Variants in TRABD2B observed in about 807,000 individuals in gnomAD.
TRABD2B encodes metalloprotease TIKI2.
In TRABD2B, 14 loss-of-function variants were observed where a neutral mutation model predicts 40.1. That is an observed-to-expected ratio of 0.35 (90% CI 0.23 to 0.55). The LOEUF is 0.55. TRABD2B is among the 20% of genes least tolerant of loss of function. The probability of loss-of-function intolerance (pLI) is 0.90; values close to 1 mark genes in which losing one functional copy is unlikely to be tolerated. For missense variants in TRABD2B, 541 were observed against 648.6 expected (o/e 0.83, Z 1.80); for synonymous variants, 263 against 277.0 (o/e 0.95, Z 0.50).
In TRABD2B at chr1:47,817,151, A is replaced by G. The variant is rs544077197; in HGVS notation, c.667-15532T>C. On this transcript the variant is annotated intron_variant, in intron 2 of 6. Transcript: ENST00000606738. Reference sequence around the variant, plus strand: ...GGCTGGTGTGCCAGCTGTTAGAGAGATATCCTTGAGCAGCCTTTCCTAGAG... The same window carrying G: ...GGCTGGTGTGCCAGCTGTTAGAGAGGTATCCTTGAGCAGCCTTTCCTAGAG... 3.6e-4 allele frequency among the ~76,000 whole-genome samples: 54 copies of G among 152,078 alleles called. No individual in the cohort carries two copies. In the South Asian group the frequency reaches 5.4e-3, roughly 15 times the overall value.
intron 2 of TRABD2B, among the ~76,000 whole-genome samples, chr1:47,892,155 A>G (rs1644456600): frequency 6.6e-6 from 1 of 152,246 alleles, no homozygotes; most frequent in South Asian, 2.1e-4. Flanking sequence ...GGCTGAGGCC[A>G]TGGTGCTGAA....
chr1:47,845,207 T>C (rs1009168978), intron 2 of TRABD2B, among the ~76,000 whole-genome samples: 1 of 152,172 alleles, frequency 6.6e-6, no homozygotes, highest in Non-Finnish European at 1.5e-5. Context: ...TGCCACGTTA[T>C]GGAAAGAGCA....
intron 2 of TRABD2B, among the ~76,000 whole-genome samples, chr1:47,966,018 T>C (rs961488478): frequency 6.6e-6 from 1 of 152,218 alleles, no homozygotes; most frequent in African/African-American, 2.4e-5. Context: ...CACAGCCATA[T>C]GAAGCCATAC....
chr1:47,814,008 G>C (rs947169067), intron 2 of TRABD2B, among the ~76,000 whole-genome samples: 2 of 152,238 alleles, frequency 1.3e-5, no homozygotes, highest in African/African-American at 4.8e-5. Flanking sequence ...AAGGTGCTGT[G>C]AGAGTCCAGC....
chr1:47,774,126 C>T (rs969076595), intron 6 of TRABD2B, among the ~76,000 whole-genome samples: 3 of 152,062 alleles, frequency 2.0e-5, no homozygotes, highest in Admixed American at 2.0e-4. Flanking sequence ...ATACAGAGTC[C>T]CAGGCCCTTG....
Position 47,996,703 on chromosome 1 carries a change from G to A in TRABD2B, c.87C>T (p.Cys29=). Residue 29 remains cysteine (C), a synonymous_variant, in exon 1 of 7, where the codon TGC becomes TGT. Transcript: ENST00000606738. This position sits in a 1 kb window ranked among gnomAD's most constrained non-coding sequence, Gnocchi z 4.6. The stretch of plus-strand genomic sequence containing the variant: ...GCTCGCTCACCGATCCGGGCGGCCG[G>A]CACTGTCCTCCGTCCGGGGGCTGCG... ...ARPQPPDGGQ[C]RPPGSQRDLN... 8.1e-7 allele frequency: 1 copy of A among 1,229,202 alleles called. No individual in the cohort carries two copies. The highest frequency in any genetic ancestry group is 4.3e-5 in the Admixed American group (1 of 23,512). 76.1% of individuals were successfully genotyped at this position (1,229,202 alleles called of 1,614,324 possible). A position where few individuals can be genotyped will look rare whatever the true frequency, so the allele number is the denominator to read the frequency against.
At chr1:47,842,085 T>C (rs1645405908) in intron 2 of TRABD2B, among the ~76,000 whole-genome samples, 1 of 152,198 alleles carries the variant, frequency 6.6e-6, no homozygotes. Context: ...ACCAACCTTC[T>C]CCTTTGCCTT....
chr1:47,924,373 T>C (rs1471940784), intron 2 of TRABD2B, among the ~76,000 whole-genome samples: 1 of 152,184 alleles, frequency 6.6e-6, no homozygotes, highest in African/African-American at 2.4e-5. Context: ...AACTTAGGGC[T>C]GAAAAGCTCT....
chr1:47,974,915 C>T (rs1645733613), intron 2 of TRABD2B, among the ~76,000 whole-genome samples: 1 of 152,156 alleles, frequency 6.6e-6, no homozygotes, highest in Non-Finnish European at 1.5e-5. Flanking sequence ...GCCTTCCTCC[C>T]CAAAACACAC....
At chr1:47,949,299 A>C (rs550695971) in intron 2 of TRABD2B, among the ~76,000 whole-genome samples, 1 of 152,062 alleles carries the variant, frequency 6.6e-6, no homozygotes, top group African/African-American at 2.4e-5. Flanking sequence ...AAAGTCTCAA[A>C]GTTCTGTTTG....
chr1:47,869,895 G>A (rs1644116591), intron 2 of TRABD2B, among the ~76,000 whole-genome samples: 2 of 152,134 alleles, frequency 1.3e-5, no homozygotes, highest in African/African-American at 4.8e-5. Flanking sequence ...AGGGGTATGA[G>A]GGTGGTGGAG....
chr1:47,898,821 T>C (rs2124673847), intron 2 of TRABD2B, among the ~76,000 whole-genome samples: 1 of 152,314 alleles, frequency 6.6e-6, no homozygotes, highest in African/African-American at 2.4e-5. Flanking sequence ...ATCCAAAAAA[T>C]TCTGAATTCT....
intron 2 of TRABD2B, among the ~76,000 whole-genome samples, chr1:47,949,931 C>T (rs766706370): frequency 2.6e-5 from 4 of 152,116 alleles, no homozygotes; most frequent in Non-Finnish European, 5.9e-5. Flanking sequence ...AGAGACAAAA[C>T]TATAAGAAGG....
intron 2 of TRABD2B, among the ~76,000 whole-genome samples, chr1:47,854,624 G>C (rs1333431207): frequency 1.3e-5 from 2 of 152,130 alleles, no homozygotes; most frequent in Non-Finnish European, 2.9e-5. Flanking sequence ...CACTAACGAA[G>C]TGCTTTAGAC....
chr1:47,785,135 A>G (rs886785014), intron 4 of TRABD2B, among the ~76,000 whole-genome samples: 11 of 152,236 alleles, frequency 7.2e-5, no homozygotes, highest in Admixed American at 6.5e-5. Context: ...GGGTTGCAGT[A>G]ACATAAAGTG....
At chr1:47,814,293 T>G (rs568043510) in intron 2 of TRABD2B, among the ~76,000 whole-genome samples, 2 of 152,308 alleles carry the variant, frequency 1.3e-5, no homozygotes, top group East Asian at 3.9e-4. Flanking sequence ...GCTCAGACTT[T>G]ACTCTACGGA....
chr1:47,955,774 G>A (rs2148393733), intron 2 of TRABD2B, among the ~76,000 whole-genome samples: 1 of 152,280 alleles, frequency 6.6e-6, no homozygotes, highest in African/African-American at 2.4e-5. Context: ...CCAGGCTTCA[G>A]GTCACTGCTG....
At chr1:47,947,574 A>C (rs1291931180) in intron 2 of TRABD2B, among the ~76,000 whole-genome samples, 1 of 152,164 alleles carries the variant, frequency 6.6e-6, no homozygotes, top group Non-Finnish European at 1.5e-5. Context: ...AAAGAGGTCA[A>C]GCAGCCAAGA....
Position 47,997,360 on chromosome 1 carries a change from T to G in TRABD2B, c.-571A>C. On this transcript the variant is annotated 5_prime_UTR_variant, in exon 1 of 7. Coordinates refer to ENST00000606738, the MANE Select transcript of TRABD2B (RefSeq NM_001194986.2). ...CGCTGCCCGGGCTCCGCCATGCTGC[T>G]CCGCGGCCGGGAGGGAGGGAGAGAG... 1.2e-5 allele frequency: 3 copies of G among 250,782 alleles called. No homozygotes were observed. The highest frequency in any genetic ancestry group is 1.8e-5 in the Non-Finnish European group (3 of 169,302). The allele number at this position is 250,782 out of a possible 1,614,324, so 15.5% of individuals were successfully genotyped here.
Sources: gnomAD v4.1 joint callset for allele counts (sites outside exome capture counted in the v4.1 genomes callset) on GRCh38, gnomAD v4.1.1 for gene constraint, Gnocchi (gnomAD v3.1) non-coding constraint, MANE v1.5 for transcripts, NCBI Gene and HGNC (gene_info 2026-07-23, HGNC 2026-07-21) for gene names.